The following CCDC170 variants were observed in gnomAD, a reference collection of about 807,000 sequenced individuals.
The protein encoded by CCDC170 is coiled-coil domain-containing protein 170.
CCDC170 carries 69 observed loss-of-function variants against 72.6 expected under a neutral mutation model. The observed-to-expected ratio is 0.95, with a 90% CI of 0.78 to 1.16. The LOEUF (loss-of-function observed/expected upper bound fraction) is 1.16. CCDC170 is among the 50% of genes most tolerant of loss of function. The pLI is 0.00. For synonymous variants in CCDC170, 300 were observed against 303.9 expected, an observed-to-expected ratio of 0.99 and a Z score of 0.13; for missense variants, 852 against 832.5, an observed-to-expected ratio of 1.02 and a Z score of -0.29.
Position 151,504,198 on chromosome 6 carries a change from A to T in CCDC170, c.57+10013A>T, listed in dbSNP as rs116292788. 2.1e-3 allele frequency among the ~76,000 whole-genome samples: 324 copies of T among 152,356 alleles called. 2 individuals carry two copies. The highest frequency in any genetic ancestry group is 7.4e-3 in the African/African-American group (306 of 41,590). Reference sequence around the variant, plus strand: ...AATATACGCATAGAGAAAGGAATACATCAAATGTAGCACAATGTTCTCACA... The same window carrying T: ...AATATACGCATAGAGAAAGGAATACTTCAAATGTAGCACAATGTTCTCACA... On this transcript the variant is annotated intron_variant, in intron 1 of 10. Coordinates refer to ENST00000239374, the MANE Select transcript of CCDC170 (RefSeq NM_025059.4).
intron 5 of CCDC170, 114 bp from the exon 6 acceptor site, chr6:151,573,060 A>T: frequency 1.1e-6 from 1 of 898,854 alleles, no homozygotes; most frequent in African/African-American, 1.7e-5. Flanking sequence ...AGGAGTAATT[A>T]ACCCAACCCC....
intron 1 of CCDC170, among the ~76,000 whole-genome samples, chr6:151,524,065 G>A (rs1403351748): frequency 6.6e-6 from 1 of 152,152 alleles, no homozygotes; most frequent in Non-Finnish European, 1.5e-5. Context: ...AACCGATGAG[G>A]GCTGGGCATC....
intron 3 of CCDC170, among the ~76,000 whole-genome samples, chr6:151,541,226 C>G (rs1243851418): frequency 6.6e-6 from 1 of 152,140 alleles, no homozygotes; most frequent in Non-Finnish European, 1.5e-5. Context: ...CCATGAATAA[C>G]ATATCTAAAA....
rs779685433 is a variant in CCDC170, at chr6:151,615,499, A to G, written c.1767A>G (p.Gln589=). 2.5e-6 allele frequency: 4 copies of G among 1,614,160 alleles called. No homozygotes were observed. Among genetic ancestry groups the G allele is most frequent in the Non-Finnish European group, 3.4e-6 (4 of 1,179,986 alleles). Residue 589 remains glutamine, a synonymous_variant, in exon 10 of 11, where the codon CAA becomes CAG. Coordinates refer to ENST00000239374, the MANE Select transcript of CCDC170 (RefSeq NM_025059.4). ...AAGATCTAAACAAATCCAGAGACCAACTGGAGAAGATGAAGGAGAAAGCTG... is the reference window on the plus strand; with the variant it reads ...AAGATCTAAACAAATCCAGAGACCAGCTGGAGAAGATGAAGGAGAAAGCTG... ...AIEDLNKSRD[Q]LEKMKEKAEK... is the part of the protein sequence containing the mutation.
intron 1 of CCDC170, among the ~76,000 whole-genome samples, chr6:151,526,514 C>T (rs1047847766): frequency 1.4e-5 from 2 of 140,798 alleles, no homozygotes; most frequent in Admixed American, 7.0e-5. Context: ...GCCACCCCGC[C>T]TGGCCTTTTT....
chr6:151,563,118 G>A lies in CCDC170; in HGVS notation c.775-10056G>A, dbSNP rs138217017. Among the ~76,000 whole-genome samples the A allele has an allele frequency of 1.3e-3, 195 of 152,162 alleles. 2 individuals are homozygous for A. In the Middle Eastern group the frequency reaches 0.071, roughly 56 times the overall value. Reference sequence around the variant, plus strand: ...CATGGTTTGTCTGTCTTCCTTTTCCGGGATGGTGCCATTCTGTGTAGGGAA... The same window carrying A: ...CATGGTTTGTCTGTCTTCCTTTTCCAGGATGGTGCCATTCTGTGTAGGGAA... On this transcript the variant is annotated intron_variant, in intron 5 of 10. Coordinates refer to ENST00000239374, the MANE Select transcript of CCDC170 (RefSeq NM_025059.4).
intron 1 of CCDC170, among the ~76,000 whole-genome samples, chr6:151,532,069 T>C (rs1227977473): frequency 6.6e-6 from 1 of 152,042 alleles, no homozygotes; most frequent in Non-Finnish European, 1.5e-5. Flanking sequence ...AGAAAAGGAA[T>C]AGAGGTATAA....
Position 151,572,649 on chromosome 6 carries a change from G to GTTTTTTTTTTTTTTTTTT in CCDC170, c.775-522_775-505dup, listed in dbSNP as rs1213267537. ...TTTATATTTTATATCCCTTCTCTGT[G>GTTTTTTTTTTTTTTTTTT]TTTTTTTTTTTTTTTTTTTTGATGG... On this transcript the variant is annotated intron_variant, in intron 5 of 10. Transcript: ENST00000239374. Among the ~76,000 whole-genome samples the GTTTTTTTTTTTTTTTTTT allele has an allele frequency of 6.0e-3, 229 of 37,932 alleles. 19 individuals are homozygous for GTTTTTTTTTTTTTTTTTT. The highest frequency in any genetic ancestry group is 0.016 in the African/African-American group (132 of 8,144). 24.9% of individuals were successfully genotyped at this position (37,932 alleles called of 152,430 possible).
chr6:151,604,233 C>T (rs1776751301), intron 9 of CCDC170, among the ~76,000 whole-genome samples: 1 of 152,152 alleles, frequency 6.6e-6, no homozygotes, highest in South Asian at 2.1e-4. Flanking sequence ...AGAACTTTCT[C>T]CAACCCAACG....
At chr6:151,591,779 G>A (rs1243819941) in intron 7 of CCDC170, among the ~76,000 whole-genome samples, 1 of 152,076 alleles carries the variant, frequency 6.6e-6, no homozygotes, top group Admixed American at 6.5e-5. Flanking sequence ...ACAGGCATGA[G>A]CCACCGCACC....
chr6:151,508,993 CAACAAGAGCGAAACTCCTTCTCAA>C (rs1420550225), intron 1 of CCDC170, among the ~76,000 whole-genome samples: 6 of 134,270 alleles, frequency 4.5e-5, no homozygotes, highest in Non-Finnish European at 6.2e-5. Context: ...CCAGCCTGGG[CAACAAGAGCGAAACTCCTTCTCAA>C]AAAAAAAAAA....
At chr6:151,524,233 C>T (rs574838446) in intron 1 of CCDC170, among the ~76,000 whole-genome samples, 1 of 152,188 alleles carries the variant, frequency 6.6e-6, no homozygotes, top group Non-Finnish European at 1.5e-5. Context: ...GGCAAGCCCC[C>T]CTGTGCAAGT....
chr6:151,565,514 C>G (rs1338372437), intron 5 of CCDC170, among the ~76,000 whole-genome samples: 1 of 152,214 alleles, frequency 6.6e-6, no homozygotes, highest in Non-Finnish European at 1.5e-5. Context: ...CTTCTCTTTC[C>G]TCCCCTTCCT....
chr6:151,590,106 A>T (rs1446461341), intron 7 of CCDC170, among the ~76,000 whole-genome samples: 11 of 151,940 alleles, frequency 7.2e-5, no homozygotes. Context: ...TTCCTCTGGC[A>T]GTCTTCCCTA....
chr6:151,539,780 G>A (rs984505412), intron 3 of CCDC170, among the ~76,000 whole-genome samples: 3 of 152,080 alleles, frequency 2.0e-5, no homozygotes, highest in African/African-American at 7.2e-5. Context: ...CAAACTTAAT[G>A]TGTCCAAAAC....
Position 151,538,066 on chromosome 6 carries a change from A to G in CCDC170, c.208A>G (p.Met70Val). 1.2e-6 allele frequency: 2 copies of G among 1,612,512 alleles called. No homozygotes were observed. The highest frequency in any genetic ancestry group is 1.7e-4 in the Middle Eastern group (1 of 6,052). ...QSELQDLRSKMLSKEVSCQEL... is the reference protein window; with the variant it reads ...QSELQDLRSKVLSKEVSCQEL... ...TTAGCTTCAAGACCTCCGATCCAAG[A>G]TGCTTTCTAAAGAAGTCTCCTGTCA... Residue 70 changes from methionine to valine, a missense_variant, in exon 3 of 11, where the codon ATG (methionine) becomes GTG (valine). By Grantham distance (21) the Met-to-Val change is conservative. Transcript: ENST00000239374.
intron 1 of CCDC170, among the ~76,000 whole-genome samples, chr6:151,525,094 A>G (rs537131459): frequency 1.5e-4 from 23 of 151,952 alleles, no homozygotes; most frequent in African/African-American, 2.4e-4. Context: ...CACTGCACCC[A>G]GCTAATTTTT....
At chr6:151,612,534 G>A (rs1776890078) in intron 9 of CCDC170, among the ~76,000 whole-genome samples, 1 of 152,034 alleles carries the variant, frequency 6.6e-6, no homozygotes, top group Admixed American at 6.6e-5. Flanking sequence ...GTTCCCTCTT[G>A]CATGATTCTA....
At chr6:151,561,798 A>G (rs1269889766) in intron 5 of CCDC170, among the ~76,000 whole-genome samples, 1 of 152,066 alleles carries the variant, frequency 6.6e-6, no homozygotes, top group Non-Finnish European at 1.5e-5. Flanking sequence ...TTTTCCCTCA[A>G]ATCTGTTTTC....
Sources: gnomAD v4.1 joint callset for allele counts (sites outside exome capture counted in the v4.1 genomes callset) on GRCh38, gnomAD v4.1.1 for gene constraint, MANE v1.5 for transcripts, NCBI Gene and HGNC (gene_info 2026-07-23, HGNC 2026-07-21) for gene names.